Variants in TMCC3 observed in about 807,000 individuals in gnomAD.
TMCC3 encodes transmembrane and coiled-coil domain protein 3.
A neutral mutation model predicts 40.2 loss-of-function variants in TMCC3; 28 were observed. The ratio of observed to expected loss-of-function variants is 0.70; its 90% CI spans 0.52 to 0.95. The LOEUF (loss-of-function observed/expected upper bound fraction) is 0.95. Ranked by LOEUF, TMCC3 falls within the 40% of genes least tolerant of loss-of-function variation. TMCC3 has a pLI of 0.00. For missense variants in TMCC3, 554 were observed against 615.2 expected, an observed-to-expected ratio of 0.90 and a Z score of 1.05; for synonymous variants, 255 against 248.5, an observed-to-expected ratio of 1.03 and a Z score of -0.25.
chr12:94,579,333 C>T (rs775303545), intron 2 of TMCC3, among the ~76,000 whole-genome samples: 2 of 152,070 alleles, frequency 1.3e-5, no homozygotes, highest in African/African-American at 2.4e-5. Context: ...ATGGTGAAAC[C>T]CCGTCTCTAC....
At chr12:94,640,997 T>C (rs2651987) in intron 1 of TMCC3, among the ~76,000 whole-genome samples, 85,237 of 151,956 alleles carry the variant, frequency 0.56, 24,080 homozygotes, top group Middle Eastern at 0.58. Flanking sequence ...GTCAGGAGTT[T>C]GAGACCAGCC....
intron 1 of TMCC3, among the ~76,000 whole-genome samples, chr12:94,622,558 C>T (rs1223566264): frequency 2.0e-5 from 3 of 152,166 alleles, no homozygotes; most frequent in African/African-American, 7.2e-5. Flanking sequence ...AATGATAACC[C>T]AGTGCGATTC....
intron 1 of TMCC3, among the ~76,000 whole-genome samples, chr12:94,631,649 T>C (rs1289415060): frequency 1.3e-5 from 2 of 152,228 alleles, no homozygotes; most frequent in Non-Finnish European, 2.9e-5. Context: ...CAGTCTGGGA[T>C]ACTTTGTCAA....
chr12:94,599,003 C>T (rs1462155665), intron 1 of TMCC3, among the ~76,000 whole-genome samples: 4 of 152,122 alleles, frequency 2.6e-5, no homozygotes, highest in Non-Finnish European at 5.9e-5. Context: ...ATTCCAGAGC[C>T]ATGTATCCTA....
At chr12:94,645,751 T>C (rs990043583) in intron 1 of TMCC3, among the ~76,000 whole-genome samples, 17 of 152,204 alleles carry the variant, frequency 1.1e-4, no homozygotes, top group Non-Finnish European at 4.4e-5. Context: ...GGAATCTTTG[T>C]ATTATACTTA....
intron 1 of TMCC3, among the ~76,000 whole-genome samples, chr12:94,639,971 G>A (rs866406571): frequency 5.3e-5 from 8 of 152,076 alleles, no homozygotes; most frequent in South Asian, 2.1e-4. Flanking sequence ...TTTCATGAAG[G>A]AACGAAAGGA....
At chr12:94,611,645 G>A (rs969119748) in intron 1 of TMCC3, among the ~76,000 whole-genome samples, 11 of 152,178 alleles carry the variant, frequency 7.2e-5, no homozygotes, top group Admixed American at 5.9e-4. Context: ...GATATAAAAT[G>A]GTGTAGTATT....
At chr12:94,649,944 G>T (rs1399636749) in intron 1 of TMCC3, among the ~76,000 whole-genome samples, 1 of 152,166 alleles carries the variant, frequency 6.6e-6, no homozygotes, top group East Asian at 1.9e-4. Flanking sequence ...CCGCCGGGAC[G>T]TTCGGCGGGG....
intron 1 of TMCC3, among the ~76,000 whole-genome samples, chr12:94,629,237 C>T (rs979139123): frequency 1.3e-5 from 2 of 152,142 alleles, no homozygotes; most frequent in Admixed American, 6.5e-5. Context: ...GTCCTACAAA[C>T]AACAAGAGAC....
At chr12:94,624,587 G>A (rs956351772) in intron 1 of TMCC3, among the ~76,000 whole-genome samples, 4 of 152,042 alleles carry the variant, frequency 2.6e-5, no homozygotes, top group South Asian at 2.1e-4. Flanking sequence ...GGTGGCGTAC[G>A]CCTGTAGTCC....
intron 3 of TMCC3, among the ~76,000 whole-genome samples, chr12:94,575,232 A>C (rs1196617258): frequency 6.6e-6 from 1 of 152,186 alleles, no homozygotes; most frequent in Non-Finnish European, 1.5e-5. Flanking sequence ...ATAAGAAAAA[A>C]TGATGAAGTC....
At chr12:94,643,721 GC>G (rs2069003117) in intron 1 of TMCC3, among the ~76,000 whole-genome samples, 1 of 152,200 alleles carries the variant, frequency 6.6e-6, no homozygotes, top group Admixed American at 6.5e-5. Context: ...TAGGGTAAGT[GC>G]CCAGCAGATG....
At position 94,625,054 on chromosome 12, in the gene TMCC3, A is replaced by C. The variant is rs578052968; in HGVS notation, c.78+25299T>G. On this transcript the variant is annotated intron_variant, in intron 1 of 3. Transcript: ENST00000261226. The stretch of plus-strand genomic sequence containing the variant: ...CTACTGGGGAGGCTGAGGCAGGAGA[A>C]TCGCTTGAATCCGGGAGGCCAAGGT... 1.7e-4 allele frequency among the ~76,000 whole-genome samples: 26 copies of C among 151,388 alleles called. No homozygotes were observed. The South Asian group carries it at 5.4e-3, about 32-fold the overall frequency.
intron 3 of TMCC3, among the ~76,000 whole-genome samples, chr12:94,574,810 G>A (rs1248853385): frequency 6.6e-6 from 1 of 152,136 alleles, no homozygotes; most frequent in Non-Finnish European, 1.5e-5. Context: ...AAAAGGTGAT[G>A]GAACAAGACA....
At chr12:94,625,607 A>G (rs2068900464) in intron 1 of TMCC3, among the ~76,000 whole-genome samples, 1 of 151,842 alleles carries the variant, frequency 6.6e-6, no homozygotes, top group South Asian at 2.1e-4. Flanking sequence ...AAAAAAAAAA[A>G]AAAAGTAAAT....
rs141520014 is a variant in TMCC3 at position 94,569,647 on chromosome 12, A to T, written c.*1788T>A. 6.6e-6 allele frequency: 1 copy of T among 151,188 alleles called. No homozygotes were observed. Among genetic ancestry groups the T allele is most frequent in the African/African-American group, 2.4e-5 (1 of 41,326 alleles). 9.4% of individuals were successfully genotyped at this position (151,188 alleles called of 1,614,324 possible). A position where few individuals can be genotyped will look rare whatever the true frequency, so the allele number is the denominator to read the frequency against. On this transcript the variant is annotated 3_prime_UTR_variant, in exon 4 of 4. Coordinates refer to ENST00000261226, the MANE Select transcript of TMCC3 (RefSeq NM_020698.4). ...CTAAAACCACTCAATTGTACGCTTA[A>T]AAAAAAAAGCAAGCTTGAGCTGCCT... is the stretch of plus-strand genomic sequence containing the variant.
chr12:94,597,120 A>AAAAAAAAAAAAAAAAAATATATATATAT (rs2068719307), intron 1 of TMCC3, among the ~76,000 whole-genome samples: 1 of 5,486 alleles, frequency 1.8e-4, no homozygotes, highest in African/African-American at 4.5e-4. Flanking sequence ...TCTCTATTAA[A>AAAAAAAAAAAAAAAAAATATATATATAT]ATACATATAT....
chr12:94,571,323 G>T lies in TMCC3; in HGVS notation c.*112C>A. 2 of 1,150,696 alleles carry T rather than the reference G, an allele frequency of 1.7e-6. No homozygotes were observed. The highest frequency in any genetic ancestry group is 2.5e-6 in the Non-Finnish European group (2 of 813,734). The allele number at this position is 1,150,696 out of a possible 1,614,324, so 71.3% of individuals were successfully genotyped here. A position where few individuals can be genotyped will look rare whatever the true frequency, so the allele number is the denominator to read the frequency against. ...TAGTTATTTACACCACACAGTCCTA[G>T]TTTTTCTTACACACGAGTCCGCACA... is the stretch of plus-strand genomic sequence containing the variant. On this transcript the variant is annotated 3_prime_UTR_variant, in exon 4 of 4. Transcript: ENST00000261226.
intron 2 of TMCC3, among the ~76,000 whole-genome samples, chr12:94,579,901 A>C (rs1248178108): frequency 2.0e-5 from 3 of 152,234 alleles, no homozygotes; most frequent in Non-Finnish European, 4.4e-5. Context: ...GCATCTAGAA[A>C]GTGCTATATC....
Sources: gnomAD v4.1 joint callset for allele counts (sites outside exome capture counted in the v4.1 genomes callset) on GRCh38, gnomAD v4.1.1 for gene constraint, MANE v1.5 for transcripts, NCBI Gene and HGNC (gene_info 2026-07-23, HGNC 2026-07-21) for gene names.